The following PIK3R6 variants were observed in gnomAD, a reference collection of about 807,000 sequenced individuals.
The protein encoded by PIK3R6 is phosphoinositide-3-kinase regulatory subunit 6, also known as phosphoinositide 3-kinase regulatory subunit 6.
PIK3R6 carries 91 observed loss-of-function variants against 84.9 expected under a neutral mutation model. That is an observed-to-expected ratio of 1.07 (90% CI 0.90 to 1.28). The LOEUF is 1.28. Ranked by LOEUF, PIK3R6 falls within the 50% of genes most tolerant of loss-of-function variation. The pLI is 0.00. For missense variants in PIK3R6, 996 were observed against 985.1 expected, an observed-to-expected ratio of 1.01 and a Z score of -0.15; for synonymous variants, 416 against 411.4, an observed-to-expected ratio of 1.01 and a Z score of -0.13.
At chr17:8,806,102 A>G (rs1023364413) in intron 18 of PIK3R6, among the ~76,000 whole-genome samples, 1 of 152,132 alleles carries the variant, frequency 6.6e-6, no homozygotes, top group African/African-American at 2.4e-5. Flanking sequence ...ATACCTGGAG[A>G]GACTGCAGGG....
In PIK3R6 at chr17:8,838,565, T is replaced by G; in HGVS notation, c.188A>C (p.Lys63Thr). 1 of 1,596,506 alleles carries G rather than the reference T, an allele frequency of 6.3e-7. No individual in the cohort carries two copies. Among genetic ancestry groups the G allele is most frequent in the Non-Finnish European group, 8.5e-7 (1 of 1,171,298 alleles). The change falls in exon 4 of 20, where the codon AAG becomes ACG. Residue 63 changes from lysine to threonine, a missense_variant and splice_region_variant. Transcript: ENST00000619866. Reference sequence around the variant, plus strand: ...CCTCCCTGAGGTCCAGGAACTCACCTTCTCCAGTTCTCTGAGAAGAATGCG... The same window carrying G: ...CCTCCCTGAGGTCCAGGAACTCACCGTCTCCAGTTCTCTGAGAAGAATGCG... ...LVRILLRELEKAESQDLRHVI... is the reference protein window; with the variant it reads ...LVRILLRELETAESQDLRHVI...
intron 18 of PIK3R6, among the ~76,000 whole-genome samples, chr17:8,815,804 A>C (rs2087515369): frequency 6.6e-6 from 1 of 152,200 alleles, no homozygotes; most frequent in African/African-American, 2.4e-5. Flanking sequence ...AGACCACAGA[A>C]AAAAGCCCGT....
intron 2 of PIK3R6, among the ~76,000 whole-genome samples, chr17:8,841,169 C>G (rs1384822312): frequency 6.6e-6 from 1 of 152,038 alleles, no homozygotes; most frequent in Middle Eastern, 3.2e-3. Flanking sequence ...CTCCACCCCC[C>G]GCCCCAAGTA....
intron 1 of PIK3R6, among the ~76,000 whole-genome samples, chr17:8,851,367 G>A (rs1267304457): frequency 6.6e-5 from 10 of 151,670 alleles, no homozygotes; most frequent in Non-Finnish European, 1.0e-4. Context: ...GTGGTGGTGG[G>A]CGCCTGTAGT....
intron 1 of PIK3R6, among the ~76,000 whole-genome samples, chr17:8,867,059 T>C (rs2089428772): frequency 1.3e-5 from 2 of 152,180 alleles, no homozygotes; most frequent in South Asian, 4.1e-4. Flanking sequence ...TGAGTCCTGC[T>C]CCTTGCTAAC....
At chr17:8,866,973 C>T (rs1327853052) in intron 1 of PIK3R6, among the ~76,000 whole-genome samples, 1 of 152,194 alleles carries the variant, frequency 6.6e-6, no homozygotes, top group Non-Finnish European at 1.5e-5. Context: ...GCATGACTTT[C>T]ACCAAATTCC....
At chr17:8,827,058 C>T in intron 13 of PIK3R6, 114 bp downstream of exon 13, 4 of 1,239,864 alleles carry the variant, frequency 3.2e-6, no homozygotes, top group Middle Eastern at 2.5e-4. Context: ...AAAAGATGGC[C>T]CCCTCTCACC....
intron 1 of PIK3R6, among the ~76,000 whole-genome samples, chr17:8,864,514 A>G (rs1225742877): frequency 1.4e-5 from 2 of 141,546 alleles, no homozygotes; most frequent in African/African-American, 2.6e-5. Context: ...CTTATAACCC[A>G]GGTCCTTCAC....
chr17:8,855,751 C>T (rs2089122593), intron 1 of PIK3R6, among the ~76,000 whole-genome samples: 1 of 152,206 alleles, frequency 6.6e-6, no homozygotes. Context: ...TGCAAAATGG[C>T]ACAGCCGTTC....
intron 17 of PIK3R6, among the ~76,000 whole-genome samples, chr17:8,819,840 A>G (rs760068090): frequency 7.2e-6 from 1 of 139,600 alleles, no homozygotes; most frequent in Non-Finnish European, 1.5e-5. Flanking sequence ...ATACACACAC[A>G]TATATATGTA....
At chr17:8,822,793 T>A in intron 15 of PIK3R6, 136 bp from the exon 16 acceptor site, 1 of 1,034,110 alleles carries the variant, frequency 9.7e-7, no homozygotes, top group Non-Finnish European at 1.4e-6. Flanking sequence ...AGGTGACACC[T>A]CCGGGGGCCA....
chr17:8,833,762 G>A (rs768273292), intron 8 of PIK3R6, among the ~76,000 whole-genome samples: 15 of 151,754 alleles, frequency 9.9e-5, no homozygotes, highest in Non-Finnish European at 1.3e-4. Flanking sequence ...GGACGGTCTC[G>A]ATCTCCTGAC....
At position 8,829,801 on chromosome 17, in the gene PIK3R6, A is replaced by G; in HGVS notation, c.803-9T>C. The G allele has an allele frequency of 2.6e-6, 4 of 1,549,268 alleles. No homozygotes were observed. The highest frequency in any genetic ancestry group is 2.6e-6 in the Non-Finnish European group (3 of 1,145,928). Reference sequence around the variant, plus strand: ...CTCTTGGACAAGGTCACCTGCAGAAAGGAGCAGGCTGTGGAGGCCATGGAG... The same window carrying G: ...CTCTTGGACAAGGTCACCTGCAGAAGGGAGCAGGCTGTGGAGGCCATGGAG... On this transcript the variant is annotated splice_polypyrimidine_tract_variant and intron_variant, in intron 9 of 19. Coordinates refer to ENST00000619866, the MANE Select transcript of PIK3R6 (RefSeq NM_001010855.4).
At chr17:8,818,137 G>C (rs1034408670) in intron 18 of PIK3R6, among the ~76,000 whole-genome samples, 1 of 152,208 alleles carries the variant, frequency 6.6e-6, no homozygotes, top group Non-Finnish European at 1.5e-5. Context: ...TGTGGATGCA[G>C]GGTTATTCCA....
At chr17:8,825,544 A>C (rs1340143811) in intron 13 of PIK3R6, among the ~76,000 whole-genome samples, 2 of 152,236 alleles carry the variant, frequency 1.3e-5, no homozygotes, top group East Asian at 3.8e-4. Context: ...TCATGTACTA[A>C]ATACAAGTAC....
intron 12 of PIK3R6, among the ~76,000 whole-genome samples, chr17:8,827,773 A>AGAGAGG: frequency 9.3e-6 from 1 of 106,952 alleles, no homozygotes. Flanking sequence ...GGAGAGAGAG[A>AGAGAGG]GAGAGAGAGA....
At chr17:8,819,332 G>T in intron 17 of PIK3R6, 134 bp from the exon 18 acceptor site, 1 of 569,624 alleles carries the variant, frequency 1.8e-6, no homozygotes, top group Non-Finnish European at 3.0e-6. Context: ...CCCACTTTCT[G>T]AATCTGCTTG....
intron 1 of PIK3R6, 88 bp downstream of exon 1, chr17:8,867,441 C>T: frequency 5.1e-6 from 1 of 197,918 alleles, no homozygotes; most frequent in South Asian, 7.8e-5. Context: ...CCCCCAGGGG[C>T]TCCCCTTCCA....
intron 1 of PIK3R6, among the ~76,000 whole-genome samples, chr17:8,853,932 T>C (rs905458542): frequency 1.3e-5 from 2 of 149,000 alleles, no homozygotes; most frequent in Non-Finnish European, 3.0e-5. Context: ...CACTGTACTC[T>C]AGCCTGGTGA....
Sources: gnomAD v4.1 joint callset for allele counts (sites outside exome capture counted in the v4.1 genomes callset) on GRCh38, gnomAD v4.1.1 for gene constraint, MANE v1.5 for transcripts, NCBI Gene and HGNC (gene_info 2026-07-23, HGNC 2026-07-21) for gene names.